The following GSDME variants were observed in gnomAD, a reference collection of about 807,000 sequenced individuals.
GSDME encodes gasdermin E.
GSDME carries 44 observed loss-of-function variants against 47.5 expected under a neutral mutation model. The ratio of observed to expected loss-of-function variants is 0.93; its 90% CI spans 0.73 to 1.19. The LOEUF (loss-of-function observed/expected upper bound fraction) is 1.19, where lower values mean the gene tolerates loss of function less well. Among genes scored for constraint, GSDME ranks in the 50% most tolerant of loss-of-function variants. GSDME has a pLI of 0.00. For synonymous variants in GSDME, 258 were observed against 252.8 expected (o/e 1.02, Z -0.20); for missense variants, 663 against 604.2 (o/e 1.10, Z -1.02).
rs1584086688 is a variant in GSDME at position 24,731,132 on chromosome 7, G to A, written c.405-11914C>T. ...AAAAGAGTGGATTTCGTGGGGCCTT[G>A]AGCTTCACAGCTTTGCTTCCCATAG... On this transcript the variant is annotated intron_variant, in intron 3 of 9. Transcript: ENST00000645220. 2.6e-5 allele frequency among the ~76,000 whole-genome samples: 4 copies of A among 152,356 alleles called. No homozygotes were observed. In the South Asian group the frequency reaches 6.2e-4, roughly 24 times the overall value.
chr7:24,728,715 C>T lies in GSDME; in HGVS notation c.405-9497G>A, dbSNP rs777304117. Among the ~76,000 whole-genome samples, 5 of 152,194 alleles carry T rather than the reference C, an allele frequency of 3.3e-5. No homozygotes were observed. Among genetic ancestry groups the T allele is most frequent in the Admixed American group, 1.3e-4 (2 of 15,280 alleles). On this transcript the variant is annotated intron_variant, in intron 3 of 9. Transcript: ENST00000645220. The surrounding 1 kb of genome is among the most constrained non-coding windows in gnomAD (Gnocchi z 7.2). Reference sequence around the variant, plus strand: ...GAAAGCAGCCGCCCACTGTCTCCCCCGCAGGTACTAGCAGTCCCCATTTCA... The same window carrying T: ...GAAAGCAGCCGCCCACTGTCTCCCCTGCAGGTACTAGCAGTCCCCATTTCA...
chr7:24,765,316 T>G, the GSDME span, among the ~76,000 whole-genome samples: 1 of 152,178 alleles, frequency 6.6e-6, no homozygotes, highest in African/African-American at 2.4e-5. Context: ...AAAAAGAAAA[T>G]TAATATGAAA....
At chr7:24,759,800 C>T (rs1387797923), upstream of GSDME, among the ~76,000 whole-genome samples, 1 of 152,202 alleles carries the variant, frequency 6.6e-6, no homozygotes, top group Non-Finnish European at 1.5e-5. Flanking sequence ...TTCAAGATCT[C>T]ACCTGACCCC....
intron 1 of GSDME, among the ~76,000 whole-genome samples, chr7:24,751,840 C>CA (rs1188504309): frequency 6.6e-6 from 1 of 152,086 alleles, no homozygotes; most frequent in Admixed American, 6.5e-5. Flanking sequence ...GATACAGAAA[C>CA]AAAAAATAAT....
rs115034804 is a variant in GSDME at position 24,736,883 on chromosome 7, C to T, written c.404+7679G>A. 1.3e-3 allele frequency among the ~76,000 whole-genome samples: 201 copies of T among 152,230 alleles called. 4 individuals are homozygous for T. The highest frequency in any genetic ancestry group is 4.5e-3 in the African/African-American group (185 of 41,556). On this transcript the variant is annotated intron_variant, in intron 3 of 9. Coordinates refer to ENST00000645220, the MANE Select transcript of GSDME (RefSeq NM_001127453.2). This position sits in a 1 kb window ranked among gnomAD's most constrained non-coding sequence, Gnocchi z 4.6. ...GGGAATTTGTGAAACTATGCAAATACATGGAAATTAAACAACATGCTCCTG... is the reference window on the plus strand; with the variant it reads ...GGGAATTTGTGAAACTATGCAAATATATGGAAATTAAACAACATGCTCCTG...
At chr7:24,777,852 G>C in the GSDME span, among the ~76,000 whole-genome samples, 2 of 152,064 alleles carry the variant, frequency 1.3e-5, no homozygotes, top group African/African-American at 4.8e-5. Context: ...GGGCAACATA[G>C]AGAGATCCCA....
rs1789898212 is a variant in GSDME, at chr7:24,724,408, G to A, written c.405-5190C>T. Among the ~76,000 whole-genome samples the A allele has an allele frequency of 6.6e-6, 1 of 152,278 alleles. No individual in the cohort carries two copies. The highest frequency in any genetic ancestry group is 2.1e-4 in the South Asian group (1 of 4,818). On this transcript the variant is annotated intron_variant, in intron 3 of 9. Transcript: ENST00000645220. This position sits in a 1 kb window ranked among gnomAD's most constrained non-coding sequence, Gnocchi z 4.8. ...GGAAAATGGAGCAGAAGCTCTTCCA[G>A]GAGAAAATGAACAAGCAGAGGTTCT...
the GSDME span, among the ~76,000 whole-genome samples, chr7:24,793,282 C>T: frequency 6.6e-6 from 1 of 152,170 alleles, no homozygotes; most frequent in South Asian, 2.1e-4. Flanking sequence ...CAGGTTAGTG[C>T]TTTAAGAAAA....
At position 24,736,874 on chromosome 7, in the gene GSDME, A is replaced by T. The variant is rs1016091990; in HGVS notation, c.404+7688T>A. On this transcript the variant is annotated intron_variant, in intron 3 of 9. Transcript: ENST00000645220. The surrounding 1 kb of genome is among the most constrained non-coding windows in gnomAD (Gnocchi z 4.6). ...AATAACAAGGGGAATTTGTGAAACT[A>T]TGCAAATACATGGAAATTAAACAAC... Among the ~76,000 whole-genome samples the T allele has an allele frequency of 2.0e-5, 3 of 152,218 alleles. No homozygotes were observed. The East Asian group carries it at 5.8e-4, about 29-fold the overall frequency.
intron 6 of GSDME, among the ~76,000 whole-genome samples, chr7:24,709,692 G>A (rs905886047): frequency 1.3e-5 from 2 of 152,180 alleles, no homozygotes; most frequent in African/African-American, 4.8e-5. Context: ...TACGCTGTGA[G>A]GAGCAAAAGG....
chr7:24,733,761 G>A lies in GSDME; in HGVS notation c.404+10801C>T, dbSNP rs1790216511. 6.6e-6 allele frequency among the ~76,000 whole-genome samples: 1 copy of A among 152,166 alleles called. No individual in the cohort carries two copies. The highest frequency in any genetic ancestry group is 2.4e-5 in the African/African-American group (1 of 41,426). On this transcript the variant is annotated intron_variant, in intron 3 of 9. Coordinates refer to ENST00000645220, the MANE Select transcript of GSDME (RefSeq NM_001127453.2). The surrounding 1 kb of genome is among the most constrained non-coding windows in gnomAD (Gnocchi z 4.3). ...TTTGAGTGCCAGTTGAGCCACAGTA[G>A]AGTAGAGCACCACATAGATTTCTAA...
At chr7:24,781,775 A>G in the GSDME span, among the ~76,000 whole-genome samples, 1 of 151,784 alleles carries the variant, frequency 6.6e-6, no homozygotes, top group Non-Finnish European at 1.5e-5. Flanking sequence ...ACAAGGTTTC[A>G]CTCTGTTGTC....
At position 24,731,166 on chromosome 7, in the gene GSDME, G is replaced by C. The variant is rs539599770; in HGVS notation, c.405-11948C>G. Among the ~76,000 whole-genome samples the C allele has an allele frequency of 8.9e-4, 135 of 152,328 alleles. 1 individual carries two copies. In the Middle Eastern group the frequency reaches 0.01, roughly 12 times the overall value. On this transcript the variant is annotated intron_variant, in intron 3 of 9. Transcript: ENST00000645220. ...AGCTTTGCTTCCCATAGAGAATATG[G>C]TGAGCAGGACAAGGCCCATGAAGGT...
At chr7:24,791,900 G>A in the GSDME span, among the ~76,000 whole-genome samples, 6 of 152,342 alleles carry the variant, frequency 3.9e-5, no homozygotes, top group East Asian at 1.9e-4. The surrounding 1 kb of genome is among the most constrained non-coding windows in gnomAD (Gnocchi z 4.8). Context: ...TGAACTTAGT[G>A]TTGGGAGAAG....
At chr7:24,789,448 C>T in the GSDME span, among the ~76,000 whole-genome samples, 43 of 152,240 alleles carry the variant, frequency 2.8e-4, no homozygotes, top group East Asian at 1.7e-3. Context: ...AGGGGGTCCG[C>T]GTGAGCAGGT....
At chr7:24,777,259 T>G in the GSDME span, among the ~76,000 whole-genome samples, 4 of 152,200 alleles carry the variant, frequency 2.6e-5, no homozygotes, top group East Asian at 7.7e-4. Flanking sequence ...ATTGTCCACA[T>G]AGGCGATCCT....
chr7:24,704,557 G>A (rs541772458), intron 8 of GSDME: 1 of 152,292 alleles, frequency 6.6e-6, no homozygotes, highest in East Asian at 1.9e-4. Context: ...ATATAAATGA[G>A]ATCACAGTTC....
chr7:24,717,150 C>T (rs1369430628), intron 5 of GSDME, 104 bp downstream of exon 5: 9 of 1,155,872 alleles, frequency 7.8e-6, no homozygotes, highest in Admixed American at 4.2e-5. Context: ...CCCTCTCTTC[C>T]CACAGTCTCC....
In GSDME at chr7:24,702,693, G is replaced by T. The variant is rs554027956; in HGVS notation, c.1257+67C>A. ...CCTAGAGGTGTTTTACCGGCTGCTGGATGTCTACCCCCTCATCATTTCCCC... is the reference window on the plus strand; with the variant it reads ...CCTAGAGGTGTTTTACCGGCTGCTGTATGTCTACCCCCTCATCATTTCCCC... On this transcript the variant is annotated intron_variant, in intron 9 of 9. Coordinates refer to ENST00000645220, the MANE Select transcript of GSDME (RefSeq NM_001127453.2). 6.7e-6 allele frequency: 9 copies of T among 1,352,364 alleles called. No individual in the cohort carries two copies. The Admixed American group carries it at 1.2e-4, about 18-fold the overall frequency. The allele number at this position is 1,352,364 out of a possible 1,614,324, so 83.8% of individuals were successfully genotyped here.
Sources: allele counts gnomAD v4.1 joint callset (sites outside exome capture counted in the v4.1 genomes callset), GRCh38; gene constraint gnomAD v4.1.1; non-coding constraint Gnocchi (gnomAD v3.1); transcripts MANE v1.5; gene names NCBI Gene and HGNC (gene_info 2026-07-23, HGNC 2026-07-21).